DPP10: variants seen among roughly 807,000 people sequenced by gnomAD.
DPP10 encodes dipeptidyl peptidase like 10.
In DPP10, 33 loss-of-function variants were observed where a neutral mutation model predicts 120.9. That is an observed-to-expected ratio of 0.27 (90% CI 0.21 to 0.37). The LOEUF (loss-of-function observed/expected upper bound fraction) is 0.37, where lower values mean the gene tolerates loss of function less well. Ranked by LOEUF, DPP10 falls within the 10% of genes least tolerant of loss-of-function variation. DPP10 has a pLI of 1.00. For missense variants in DPP10, 816 were observed against 942.8 expected (o/e 0.87, Z 1.76); for synonymous variants, 337 against 326.1 (o/e 1.03, Z -0.36).
chr2:114,932,923 C>G (rs377660653), intron 1 of DPP10, among the ~76,000 whole-genome samples: 11 of 152,130 alleles, frequency 7.2e-5, no homozygotes, highest in African/African-American at 2.7e-4. Flanking sequence ...TAACCCGGGG[C>G]AATCATTTGT....
rs558665529 is a variant in DPP10 at position 115,484,705 on chromosome 2, C to T, written c.272-14805C>T. Among the ~76,000 whole-genome samples, 60 of 152,196 alleles carry T rather than the reference C, an allele frequency of 3.9e-4. 1 individual carries two copies. The South Asian group carries it at 0.011, about 28-fold the overall frequency. ...AAGATATTAGTCATGCCCCTGATGA[C>T]AACACTGAAGTATCTGTATCAAGTC... On this transcript the variant is annotated intron_variant, in intron 3 of 25. Coordinates refer to ENST00000410059, the MANE Select transcript of DPP10 (RefSeq NM_020868.6).
chr2:114,473,497 AGTTT>A (rs1680109866), intron 1 of DPP10, among the ~76,000 whole-genome samples: 2 of 152,236 alleles, frequency 1.3e-5, no homozygotes, highest in Admixed American at 6.5e-5. Flanking sequence ...TTTGAAGATC[AGTTT>A]GTTTGAAACA....
chr2:115,629,828 A>G (rs148182860), intron 5 of DPP10, among the ~76,000 whole-genome samples: 4,048 of 152,260 alleles, frequency 0.027, 74 homozygotes, highest in Middle Eastern at 0.082. Flanking sequence ...ATTTGAAGTC[A>G]GGTAGCATGA....
intron 5 of DPP10, among the ~76,000 whole-genome samples, chr2:115,575,654 G>A (rs1225268113): frequency 2.0e-5 from 3 of 152,120 alleles, no homozygotes; most frequent in African/African-American, 7.2e-5. Flanking sequence ...ACTGTGGCAG[G>A]CAGAATAATG....
intron 1 of DPP10, among the ~76,000 whole-genome samples, chr2:115,293,597 G>A (rs1448336393): frequency 6.6e-6 from 1 of 152,018 alleles, no homozygotes; most frequent in Non-Finnish European, 1.5e-5. Flanking sequence ...GGAAAGGGAA[G>A]AATAAAAGAA....
chr2:114,659,397 T>A (rs1448977071), intron 1 of DPP10, among the ~76,000 whole-genome samples: 3 of 152,140 alleles, frequency 2.0e-5, no homozygotes, highest in East Asian at 3.9e-4. Flanking sequence ...CACTGGGGAC[T>A]ATTGCTTAAT....
chr2:114,922,381 C>T lies in DPP10; in HGVS notation c.61-386858C>T, dbSNP rs145755858. 9.2e-4 allele frequency among the ~76,000 whole-genome samples: 140 copies of T among 152,296 alleles called. 1 individual carries two copies. The highest frequency in any genetic ancestry group is 7.8e-3 in the Admixed American group (119 of 15,296). Reference sequence around the variant, plus strand: ...AGGCTGGAGTCCAATGGCATGAACTCAGCTCACTGCAACCTCCGCTTTCTG... The same window carrying T: ...AGGCTGGAGTCCAATGGCATGAACTTAGCTCACTGCAACCTCCGCTTTCTG... On this transcript the variant is annotated intron_variant, in intron 1 of 25. Coordinates refer to ENST00000410059, the MANE Select transcript of DPP10 (RefSeq NM_020868.6).
chr2:115,396,724 C>T (rs562633472), intron 3 of DPP10, among the ~76,000 whole-genome samples: 2 of 152,310 alleles, frequency 1.3e-5, no homozygotes, highest in East Asian at 1.9e-4. Context: ...GTTGCTGCTT[C>T]CACAGTCATT....
At chr2:115,336,597 CTCTATA>C (rs1455607513) in intron 2 of DPP10, among the ~76,000 whole-genome samples, 26 of 148,688 alleles carry the variant, frequency 1.7e-4, no homozygotes, top group Non-Finnish European at 1.6e-4. Flanking sequence ...CTCTCTCTCT[CTCTATA>C]TATATATATA....
chr2:114,895,867 A>G (rs1429706070), intron 1 of DPP10, among the ~76,000 whole-genome samples: 2 of 152,100 alleles, frequency 1.3e-5, no homozygotes, highest in Non-Finnish European at 2.9e-5. Context: ...AACTCCTATT[A>G]TAAAAGTTGT....
chr2:114,768,595 C>T (rs977394091), intron 1 of DPP10, among the ~76,000 whole-genome samples: 1 of 152,120 alleles, frequency 6.6e-6, no homozygotes, highest in African/African-American at 2.4e-5. Context: ...AGGATACTTT[C>T]CCCATCTCAA....
intron 4 of DPP10, among the ~76,000 whole-genome samples, chr2:115,509,565 C>T (rs889716581): frequency 2.8e-4 from 43 of 152,006 alleles, no homozygotes; most frequent in African/African-American, 1.0e-3. Flanking sequence ...GAAAAATGAA[C>T]CTTTAAGTTA....
intron 1 of DPP10, among the ~76,000 whole-genome samples, chr2:114,918,570 A>G (rs1398346880): frequency 1.3e-5 from 2 of 152,192 alleles, no homozygotes; most frequent in Admixed American, 1.3e-4. Flanking sequence ...GTTAAACAGC[A>G]TAAAGAAAAT....
rs539911088 is a variant in DPP10, at chr2:115,063,019, C to T, written c.61-246220C>T. On this transcript the variant is annotated intron_variant, in intron 1 of 25. Coordinates refer to ENST00000410059, the MANE Select transcript of DPP10 (RefSeq NM_020868.6). ...TACATTCCCACCAACACTGTAAAAG[C>T]GTTCCTATTGGTCCACAACCTCCCC... Among the ~76,000 whole-genome samples the T allele has an allele frequency of 8.5e-5, 13 of 152,274 alleles. No homozygotes were observed. The East Asian group carries it at 1.4e-3, about 16-fold the overall frequency.
chr2:115,732,456 C>T (rs1018417613), intron 8 of DPP10, among the ~76,000 whole-genome samples: 1 of 151,712 alleles, frequency 6.6e-6, no homozygotes, highest in African/African-American at 2.4e-5. Context: ...AAGTATAATG[C>T]ATTTTAAACA....
intron 1 of DPP10, among the ~76,000 whole-genome samples, chr2:114,575,512 C>T (rs1252269424): frequency 6.6e-6 from 1 of 152,130 alleles, no homozygotes; most frequent in Non-Finnish European, 1.5e-5. Flanking sequence ...GTCTTTTCCA[C>T]TATAGTAAAG....
intron 1 of DPP10, among the ~76,000 whole-genome samples, chr2:114,449,130 A>G (rs1003254315): frequency 1.3e-5 from 2 of 152,158 alleles, no homozygotes; most frequent in Non-Finnish European, 2.9e-5. Flanking sequence ...TTTTTTGTCC[A>G]GAAATTGTGC....
chr2:115,399,586 C>T (rs1214615723), intron 3 of DPP10, among the ~76,000 whole-genome samples: 1 of 152,108 alleles, frequency 6.6e-6, no homozygotes, highest in East Asian at 1.9e-4. Context: ...CTCCTCACTA[C>T]CCATTGCATT....
intron 2 of DPP10, among the ~76,000 whole-genome samples, chr2:115,321,499 A>C (rs536985733): frequency 7.2e-6 from 1 of 139,572 alleles, no homozygotes; most frequent in South Asian, 2.3e-4. Context: ...TGTGTCTCAG[A>C]ATGCATTTTT....
Sources: gnomAD v4.1 joint callset for allele counts (sites outside exome capture counted in the v4.1 genomes callset) on GRCh38, gnomAD v4.1.1 for gene constraint, MANE v1.5 for transcripts, NCBI Gene and HGNC (gene_info 2026-07-23, HGNC 2026-07-21) for gene names.